Variants in ABHD2 observed in about 807,000 individuals in gnomAD.
ABHD2 encodes abhydrolase domain containing 2, acylglycerol lipase.
A neutral mutation model predicts 48.1 loss-of-function variants in ABHD2; 20 were observed. The ratio of observed to expected loss-of-function variants is 0.42; its 90% CI spans 0.29 to 0.60. ABHD2 has a LOEUF of 0.60. ABHD2 is among the 20% of genes least tolerant of loss of function. The pLI is 0.24. For missense variants in ABHD2, 405 were observed against 550.9 expected, an observed-to-expected ratio of 0.74 and a Z score of 2.65; for synonymous variants, 209 against 214.2, an observed-to-expected ratio of 0.98 and a Z score of 0.21.
At chr15:89,128,563 G>C (rs1459743509) in intron 3 of ABHD2, among the ~76,000 whole-genome samples, 1 of 152,164 alleles carries the variant, frequency 6.6e-6, no homozygotes, top group African/African-American at 2.4e-5. Flanking sequence ...TGTCTCTCTT[G>C]TAACTCCCAA....
intron 3 of ABHD2, among the ~76,000 whole-genome samples, chr15:89,142,039 A>G (rs1002010047): frequency 2.6e-5 from 4 of 152,244 alleles, no homozygotes; most frequent in Non-Finnish European, 4.4e-5. Flanking sequence ...GAATGAAAGC[A>G]TCTGTCTGTC....
At chr15:89,170,278 G>A (rs147172560) in intron 5 of ABHD2, among the ~76,000 whole-genome samples, 5 of 151,138 alleles carry the variant, frequency 3.3e-5, no homozygotes, top group African/African-American at 1.2e-4. Flanking sequence ...TGTATTTTTA[G>A]CAGAGACAGG....
At position 89,151,044 on chromosome 15, in the gene ABHD2, C is replaced by T. The variant is rs544891251; in HGVS notation, c.195-633C>T. 5.3e-4 allele frequency among the ~76,000 whole-genome samples: 80 copies of T among 152,370 alleles called. 1 individual carries two copies. Among genetic ancestry groups the T allele is most frequent in the South Asian group, 1.4e-3 (7 of 4,830 alleles). ...GTTGTTAGCGAGGCTTCATGCCTTG[C>T]GTAGGCTAACAAGCCTTTATCCTTA... On this transcript the variant is annotated intron_variant, in intron 3 of 10. Coordinates refer to ENST00000352732, the MANE Select transcript of ABHD2 (RefSeq NM_152924.5). This position sits in a 1 kb window ranked among gnomAD's most constrained non-coding sequence, Gnocchi z 4.7.
chr15:89,135,819 A>T (rs1839934875), intron 3 of ABHD2: 1 of 769,444 alleles, frequency 1.3e-6, no homozygotes, highest in Admixed American at 1.8e-5. Context: ...GACAGGCCAG[A>T]TGTTCTCCTT....
chr15:89,084,558 CAA>C (rs1314343826), upstream of ABHD2, among the ~76,000 whole-genome samples: 24 of 152,148 alleles, frequency 1.6e-4, no homozygotes, highest in Non-Finnish European at 1.0e-4. This position sits in a 1 kb window ranked among gnomAD's most constrained non-coding sequence, Gnocchi z 4.4. Flanking sequence ...CTCAGCCTCC[CAA>C]AGTGTTGGGA....
chr15:89,105,342 G>A (rs2049767520), intron 1 of ABHD2, among the ~76,000 whole-genome samples: 1 of 152,196 alleles, frequency 6.6e-6, no homozygotes, highest in Non-Finnish European at 1.5e-5. Flanking sequence ...AGCCATTCCT[G>A]ACATTTAAAT....
At chr15:89,171,369 A>G (rs556307708) in intron 5 of ABHD2, among the ~76,000 whole-genome samples, 9 of 152,260 alleles carry the variant, frequency 5.9e-5, no homozygotes, top group African/African-American at 2.2e-4. Flanking sequence ...TTCCCAGGCA[A>G]TGCTGATGCT....
At chr15:89,183,923 C>T (rs2051162525) in intron 6 of ABHD2, among the ~76,000 whole-genome samples, 1 of 152,120 alleles carries the variant, frequency 6.6e-6, no homozygotes, top group Admixed American at 6.6e-5. Context: ...GGTTGTGGCT[C>T]GGTGATTGGG....
intron 3 of ABHD2, among the ~76,000 whole-genome samples, chr15:89,136,839 G>A (rs2050321962): frequency 6.6e-6 from 1 of 152,224 alleles, no homozygotes; most frequent in Admixed American, 6.5e-5. Flanking sequence ...AGGTAGCCTT[G>A]GCCTGGGAAG....
rs200750960 is a variant in ABHD2, at chr15:89,162,501, CT to C, written c.538+6968del. 3.1e-3 allele frequency among the ~76,000 whole-genome samples: 479 copies of C among 152,264 alleles called. 4 individuals are homozygous for C. Among genetic ancestry groups the C allele is most frequent in the African/African-American group, 0.011 (440 of 41,542 alleles). ...ATACTGCAGTCCACCATCAGGCCCC[CT>C]ATTCCCACCCTGAGTGTATGGAAAT... On this transcript the variant is annotated intron_variant, in intron 5 of 10. Transcript: ENST00000352732.
intron 3 of ABHD2, among the ~76,000 whole-genome samples, chr15:89,145,326 G>A (rs981408017): frequency 1.3e-5 from 2 of 152,300 alleles, no homozygotes; most frequent in East Asian, 3.9e-4. Context: ...TTTAGAAAAT[G>A]GATGCATGGA....
At position 89,197,400 on chromosome 15, in the gene ABHD2, C is replaced by G. The variant is rs1297621314; in HGVS notation, c.*1977C>G. 6.6e-6 allele frequency: 1 copy of G among 152,578 alleles called. No individual in the cohort carries two copies. The highest frequency in any genetic ancestry group is 1.5e-5 in the Non-Finnish European group (1 of 68,040). 9.5% of individuals were successfully genotyped at this position (152,578 alleles called of 1,614,324 possible). A position where few individuals can be genotyped will look rare whatever the true frequency, so the allele number is the denominator to read the frequency against. ...TACCCTCTCAGTTTGGAAGTTAGCCCCTCTCCTCTGTTACTTTTCCCTTCA... is the reference window on the plus strand; with the variant it reads ...TACCCTCTCAGTTTGGAAGTTAGCCGCTCTCCTCTGTTACTTTTCCCTTCA... On this transcript the variant is annotated 3_prime_UTR_variant, in exon 11 of 11. Transcript: ENST00000352732. The surrounding 1 kb of genome is among the most constrained non-coding windows in gnomAD (Gnocchi z 4.4).
rs936607382 is a variant in ABHD2, at chr15:89,114,969, C to T, written c.-7+1145C>T. On this transcript the variant is annotated intron_variant, in intron 2 of 10. Transcript: ENST00000352732. This position sits in a 1 kb window ranked among gnomAD's most constrained non-coding sequence, Gnocchi z 4.2. ...TTCCATTCATTACTGAATTAGGAATCCCTGCCAGAGATTTTCTGCCAAAGT... is the reference window on the plus strand; with the variant it reads ...TTCCATTCATTACTGAATTAGGAATTCCTGCCAGAGATTTTCTGCCAAAGT... 6.6e-6 allele frequency among the ~76,000 whole-genome samples: 1 copy of T among 152,172 alleles called. No homozygotes were observed. Among genetic ancestry groups the T allele is most frequent in the East Asian group, 1.9e-4 (1 of 5,190 alleles).
Position 89,151,976 on chromosome 15 carries a change from A to G in ABHD2, c.370+124A>G. On this transcript the variant is annotated intron_variant, in intron 4 of 10. Coordinates refer to ENST00000352732, the MANE Select transcript of ABHD2 (RefSeq NM_152924.5). This position sits in a 1 kb window ranked among gnomAD's most constrained non-coding sequence, Gnocchi z 4.7. Reference sequence around the variant, plus strand: ...CCCATGGCATCAGGGGCTGTTGGGAAGCCTGCTGGGATTCGTCACTTAGGA... The same window carrying G: ...CCCATGGCATCAGGGGCTGTTGGGAGGCCTGCTGGGATTCGTCACTTAGGA... The G allele has an allele frequency of 7.7e-7, 1 of 1,296,270 alleles. No individual in the cohort carries two copies. Among genetic ancestry groups the G allele is most frequent in the Non-Finnish European group, 1.1e-6 (1 of 950,706 alleles). 80.3% of individuals were successfully genotyped at this position (1,296,270 alleles called of 1,614,324 possible). A position where few individuals can be genotyped will look rare whatever the true frequency, so the allele number is the denominator to read the frequency against.
At position 89,201,561 on chromosome 15, in the gene ABHD2, T is replaced by A; in HGVS notation, c.*6138T>A. ...TTCATTCGGATCATAGTCAAAGGGC[T>A]GTAGCATTACTGAAACAGTCACAGT... On this transcript the variant is annotated 3_prime_UTR_variant, in exon 11 of 11. Coordinates refer to ENST00000352732, the MANE Select transcript of ABHD2 (RefSeq NM_152924.5). 6.3e-7 allele frequency: 1 copy of A among 1,597,926 alleles called. No homozygotes were observed. The highest frequency in any genetic ancestry group is 8.6e-7 in the Non-Finnish European group (1 of 1,165,340).
At chr15:89,136,633 T>C (rs2050317626) in intron 3 of ABHD2, 2 of 178,328 alleles carry the variant, frequency 1.1e-5, no homozygotes, top group East Asian at 3.4e-4. Context: ...CTCCTCACTC[T>C]CTCCGCTCTA....
In ABHD2 at chr15:89,197,635, G is replaced by C. The variant is rs976668986; in HGVS notation, c.*2212G>C. ...AAAATAGTGGCTGGCCCATGTACCAGCTCCATTCAGAAATTCAGGAAGAGA... is the reference window on the plus strand; with the variant it reads ...AAAATAGTGGCTGGCCCATGTACCACCTCCATTCAGAAATTCAGGAAGAGA... On this transcript the variant is annotated 3_prime_UTR_variant, in exon 11 of 11. Transcript: ENST00000352732. The surrounding 1 kb of genome is among the most constrained non-coding windows in gnomAD (Gnocchi z 4.4). 1 of 152,274 alleles carries C rather than the reference G, an allele frequency of 6.6e-6. No individual in the cohort carries two copies. Among genetic ancestry groups the C allele is most frequent in the African/African-American group, 2.4e-5 (1 of 41,444 alleles). The allele number at this position is 152,274 out of a possible 1,614,324, so 9.4% of individuals were successfully genotyped here.
At chr15:89,108,968 T>C (rs987703808) in intron 1 of ABHD2, among the ~76,000 whole-genome samples, 1 of 152,220 alleles carries the variant, frequency 6.6e-6, no homozygotes, top group Admixed American at 6.5e-5. Flanking sequence ...ACTTCTAATC[T>C]AACCTTCTCA....
chr15:89,122,900 G>C (rs1225804551), intron 3 of ABHD2, among the ~76,000 whole-genome samples: 1 of 152,244 alleles, frequency 6.6e-6, no homozygotes, highest in African/African-American at 2.4e-5. Context: ...GAAAAACAGA[G>C]AGTTGAGTTG....
Sources: allele counts gnomAD v4.1 joint callset (sites outside exome capture counted in the v4.1 genomes callset), GRCh38; gene constraint gnomAD v4.1.1; non-coding constraint Gnocchi (gnomAD v3.1); transcripts MANE v1.5; gene names NCBI Gene and HGNC (gene_info 2026-07-23, HGNC 2026-07-21).